Variants in TDRD12 observed in about 807,000 individuals in gnomAD.
The protein encoded by TDRD12 is tudor domain containing 12, also known as putative ATP-dependent RNA helicase TDRD12.
Under a neutral mutation model 133.5 loss-of-function variants are expected in TDRD12, and 158 were observed. The ratio of observed to expected loss-of-function variants is 1.18; its 90% CI spans 1.04 to 1.35. The LOEUF is 1.35. TDRD12 is among the 40% of genes most tolerant of loss of function. TDRD12 has a pLI of 0.00. For synonymous variants in TDRD12, 460 were observed against 477.9 expected, an observed-to-expected ratio of 0.96 and a Z score of 0.49; for missense variants, 1,443 against 1,321.3, an observed-to-expected ratio of 1.09 and a Z score of -1.43.
downstream of TDRD12, among the ~76,000 whole-genome samples, chr19:32,822,410 C>A (rs1967430470): frequency 6.6e-6 from 1 of 151,236 alleles, no homozygotes; most frequent in African/African-American, 2.4e-5. Context: ...CTTGCCTGGG[C>A]AACAGAATGA....
intron 5 of TDRD12, 64 bp from the exon 6 acceptor site, chr19:32,749,720 G>T: frequency 7.7e-7 from 1 of 1,290,428 alleles, no homozygotes; most frequent in South Asian, 1.3e-5. Flanking sequence ...GTGGGAAATC[G>T]TCATGATTGT....
chr19:32,721,416 G>A (rs1196435272), intron 1 of TDRD12, among the ~76,000 whole-genome samples: 3 of 151,702 alleles, frequency 2.0e-5, no homozygotes, highest in Non-Finnish European at 4.4e-5. Flanking sequence ...ATGGAGTTTC[G>A]CTCTTGTTGT....
At chr19:32,811,599 AG>A (rs550640562) in intron 24 of TDRD12, among the ~76,000 whole-genome samples, 179 bp downstream of exon 24, 349 of 152,350 alleles carry the variant, frequency 2.3e-3, no homozygotes, top group African/African-American at 7.3e-3. Flanking sequence ...GGTACCAGGC[AG>A]CTGCAACACT....
At chr19:32,737,478 C>T (rs1969259233) in intron 2 of TDRD12, among the ~76,000 whole-genome samples, 1 of 151,966 alleles carries the variant, frequency 6.6e-6, no homozygotes, top group African/African-American at 2.4e-5. Context: ...GTGCTGGGAC[C>T]ACAGGCGTGA....
At chr19:32,738,804 C>A in intron 2 of TDRD12, 52 bp from the exon 3 acceptor site, 1 of 1,534,658 alleles carries the variant, frequency 6.5e-7, no homozygotes, top group Middle Eastern at 2.3e-4. Context: ...TGGAGTAACA[C>A]TCTGTCTCAA....
In TDRD12 at chr19:32,731,901, C is replaced by G; in HGVS notation, c.183+18C>G. The G allele has an allele frequency of 6.6e-7, 1 of 1,521,034 alleles. No homozygotes were observed. The highest frequency in any genetic ancestry group is 1.4e-5 in the African/African-American group (1 of 71,460). The allele number at this position is 1,521,034 out of a possible 1,614,324, so 94.2% of individuals were successfully genotyped here. On this transcript the variant is annotated intron_variant, in intron 2 of 27. Transcript: ENST00000444215. ...AAGGACAGGTATGTATCTAAATGTT[C>G]TTTAATCACTGTGTATTGAAACACC...
At chr19:32,721,016 G>C (rs1968641402) in intron 1 of TDRD12, among the ~76,000 whole-genome samples, 1 of 152,088 alleles carries the variant, frequency 6.6e-6, no homozygotes, top group Non-Finnish European at 1.5e-5. Context: ...CGTACTCCAC[G>C]GGGCCCTTAG....
chr19:32,812,864 G>A (rs973153538), intron 24 of TDRD12, among the ~76,000 whole-genome samples: 2 of 152,190 alleles, frequency 1.3e-5, no homozygotes, highest in African/African-American at 4.8e-5. Context: ...TGCCTGTTGT[G>A]TTCCTCCTTG....
At chr19:32,748,325 C>T in intron 4 of TDRD12, 151 bp from the exon 5 acceptor site, 1 of 732,920 alleles carries the variant, frequency 1.4e-6, no homozygotes, top group Non-Finnish European at 2.2e-6. Flanking sequence ...ATCCTCACCC[C>T]CAGAGCAGGG....
chr19:32,771,159 T>A (rs1010457524), intron 8 of TDRD12, among the ~76,000 whole-genome samples: 1 of 151,530 alleles, frequency 6.6e-6, no homozygotes, highest in African/African-American at 2.4e-5. Flanking sequence ...GTGGAGGGAG[T>A]GCTAGGCTAT....
At chr19:32,752,845 T>C (rs1969873205) in intron 6 of TDRD12, among the ~76,000 whole-genome samples, 2 of 143,690 alleles carry the variant, frequency 1.4e-5, no homozygotes, top group African/African-American at 5.3e-5. Flanking sequence ...CAGGCTGGAG[T>C]GCACTGGCGC....
intron 4 of TDRD12, among the ~76,000 whole-genome samples, chr19:32,745,403 C>T (rs751753713): frequency 1.2e-4 from 18 of 152,172 alleles, no homozygotes; most frequent in Non-Finnish European, 1.9e-4. Flanking sequence ...ACCCTTTTAA[C>T]GTGTGTATTA....
exon 9 of TDRD12, chr19:32,826,586 A>T: frequency 8.1e-7 from 1 of 1,238,456 alleles, no homozygotes; most frequent in Non-Finnish European, 1.0e-6. Context: ...GGTGTCACCT[A>T]CTCAGACAGA....
At chr19:32,764,981 T>C (rs1203497383) in intron 8 of TDRD12, among the ~76,000 whole-genome samples, 14 of 152,170 alleles carry the variant, frequency 9.2e-5, no homozygotes, top group African/African-American at 3.1e-4. Flanking sequence ...ATTTTTGCAA[T>C]CTACTCATCT....
intron 4 of TDRD12, among the ~76,000 whole-genome samples, chr19:32,743,373 T>TCCCTCTCCCCACC: frequency 2.9e-5 from 1 of 35,024 alleles, no homozygotes; most frequent in South Asian, 1.1e-3. Context: ...CCTCCCCCAC[T>TCCCTCTCCCCACC]CCCTCTCCCC....
At position 32,771,699 on chromosome 19, in the gene TDRD12, A is replaced by G. The variant is rs180994937; in HGVS notation, c.866-1054A>G. 2.9e-3 allele frequency among the ~76,000 whole-genome samples: 437 copies of G among 151,810 alleles called. 6 individuals carry two copies. The highest frequency in any genetic ancestry group is 0.01 in the African/African-American group (422 of 41,374). On this transcript the variant is annotated intron_variant, in intron 8 of 27. Transcript: ENST00000444215. ...ATTTCTCTCTTGGCGAATTTTAACT[A>G]CCACCTCCACTCCTGGTTCCAGAGT...
In TDRD12 at chr19:32,818,952, T is replaced by G. The variant is rs575194459; in HGVS notation, c.3383+795T>G. 4.0e-5 allele frequency among the ~76,000 whole-genome samples: 6 copies of G among 151,524 alleles called. No homozygotes were observed. The South Asian group carries it at 1.3e-3, about 32-fold the overall frequency. On this transcript the variant is annotated intron_variant, in intron 27 of 27. Coordinates refer to ENST00000444215, the Ensembl canonical transcript of TDRD12. ...GCCTGCTGGACTAGTGACTTGCTGG[T>G]TTAGTGGCCTGCTGGGTTAGTGGTT...
chr19:32,799,728 C>CTTTTTTTTTTT (rs71176153), intron 16 of TDRD12, among the ~76,000 whole-genome samples: 4 of 78,436 alleles, frequency 5.1e-5, no homozygotes, highest in Non-Finnish European at 6.9e-5. Flanking sequence ...TAGTTTTTGC[C>CTTTTTTTTTTT]TTTTTTTTTT....
intron 24 of TDRD12, 69 bp downstream of exon 24, chr19:32,811,489 T>C (rs1013400862): frequency 1.4e-4 from 194 of 1,365,602 alleles, no homozygotes; most frequent in Non-Finnish European, 1.7e-4. Flanking sequence ...ATACACAGAA[T>C]TGAGGCCTGT....
Sources: gnomAD v4.1 joint callset for allele counts (sites outside exome capture counted in the v4.1 genomes callset) on GRCh38, gnomAD v4.1.1 for gene constraint, MANE v1.5 for transcripts, NCBI Gene and HGNC (gene_info 2026-07-23, HGNC 2026-07-21) for gene names.